Variants in YLPM1 observed in about 807,000 individuals in gnomAD.
YLPM1 encodes the protein YLP motif-containing protein 1.
YLPM1 carries 99 observed loss-of-function variants against 230.0 expected under a neutral mutation model. The ratio of observed to expected loss-of-function variants is 0.43; its 90% CI spans 0.37 to 0.51. The LOEUF is 0.51. Ranked by LOEUF, YLPM1 falls within the 20% of genes least tolerant of loss-of-function variation. The probability of loss-of-function intolerance (pLI) is 0.00; values close to 1 mark genes in which losing one functional copy is unlikely to be tolerated. For synonymous variants in YLPM1, 984 were observed against 942.5 expected (o/e 1.04, Z -0.81); for missense variants, 2,592 against 2,707.7 (o/e 0.96, Z 0.95).
chr14:74,779,798 C>G (rs2091075597), intron 2 of YLPM1, among the ~76,000 whole-genome samples: 1 of 150,182 alleles, frequency 6.7e-6, no homozygotes, highest in African/African-American at 2.5e-5. Context: ...CCCTCCCCTC[C>G]CCTCCCCTCC....
intron 6 of YLPM1, among the ~76,000 whole-genome samples, chr14:74,803,358 A>G (rs1027139594): frequency 2.6e-5 from 4 of 152,134 alleles, no homozygotes; most frequent in African/African-American, 4.8e-5. Context: ...GGGCTTTTCA[A>G]ATGTTTAAAA....
chr14:74,766,721 A>T (rs749306842), intron 1 of YLPM1, among the ~76,000 whole-genome samples: 1 of 146,374 alleles, frequency 6.8e-6, no homozygotes, highest in Non-Finnish European at 1.5e-5. Context: ...CAAACAGTAC[A>T]CTGCCTTGAC....
chr14:74,820,403 G>A (rs191688986), intron 16 of YLPM1, among the ~76,000 whole-genome samples: 35 of 152,110 alleles, frequency 2.3e-4, no homozygotes, highest in Admixed American at 1.8e-3. Context: ...CGCATGCCCT[G>A]TGCCCAGCTA....
At chr14:74,785,402 A>G (rs1290167904) in intron 4 of YLPM1, among the ~76,000 whole-genome samples, 1 of 152,182 alleles carries the variant, frequency 6.6e-6, no homozygotes, top group Non-Finnish European at 1.5e-5. Flanking sequence ...TCCCCTAACT[A>G]GCTTATGTCA....
chr14:74,824,213 G>A, intron 17 of YLPM1, 43 bp from the exon 18 acceptor site: 1 of 1,594,390 alleles, frequency 6.3e-7, no homozygotes, highest in Non-Finnish European at 8.6e-7. Context: ...GCATGTATGT[G>A]TCTCTTTCTA....
chr14:74,779,484 A>C (rs145293312), intron 2 of YLPM1, among the ~76,000 whole-genome samples: 1 of 152,140 alleles, frequency 6.6e-6, no homozygotes, highest in Non-Finnish European at 1.5e-5. Context: ...GGCACATGGG[A>C]GGTTCTCATA....
chr14:74,818,341 T>G, intron 16 of YLPM1, 27 bp downstream of exon 16: 1 of 1,542,962 alleles, frequency 6.5e-7, no homozygotes, highest in Non-Finnish European at 8.8e-7. Flanking sequence ...TCAAATGCAA[T>G]GCAAAGTGAT....
At chr14:74,806,636 C>CTAT (rs1344363954) in intron 6 of YLPM1, among the ~76,000 whole-genome samples, 1 of 152,000 alleles carries the variant, frequency 6.6e-6, no homozygotes, top group East Asian at 1.9e-4. Context: ...AACATCTATA[C>CTAT]TATAGCCTCG....
At position 74,769,259 on chromosome 14, in the gene YLPM1, C is replaced by CTTTTTTT. The variant is rs34023289; in HGVS notation, c.873+4920_873+4926dup. ...CCGGCTAATTTTTTTGTATTTTTAT[C>CTTTTTTT]TTTTTTTTTTTTTTTTTTTTTTTTT... is the stretch of plus-strand genomic sequence containing the variant. On this transcript the variant is annotated intron_variant, in intron 1 of 20. Transcript: ENST00000325680. Among the ~76,000 whole-genome samples the CTTTTTTT allele has an allele frequency of 5.7e-4, 22 of 38,408 alleles. 1 individual carries two copies. The highest frequency in any genetic ancestry group is 1.2e-3 in the East Asian group (1 of 868). The allele number at this position is 38,408 out of a possible 152,430, so 25.2% of individuals were successfully genotyped here.
chr14:74,777,052 C>G (rs1288838001), intron 1 of YLPM1, among the ~76,000 whole-genome samples: 2 of 149,318 alleles, frequency 1.3e-5, no homozygotes, highest in Non-Finnish European at 3.0e-5. Flanking sequence ...GGAGATGACC[C>G]TGTCTCAAAA....
intron 19 of YLPM1, among the ~76,000 whole-genome samples, chr14:74,831,055 T>C (rs765964803): frequency 2.0e-4 from 30 of 152,248 alleles, no homozygotes; most frequent in Non-Finnish European, 3.7e-4. Context: ...ATTGCCTGTT[T>C]TTCTACAGCA....
chr14:74,774,052 A>C (rs2091007162), intron 1 of YLPM1, among the ~76,000 whole-genome samples: 2 of 152,030 alleles, frequency 1.3e-5, no homozygotes, highest in Admixed American at 1.3e-4. Context: ...TGAATAGTAA[A>C]AGTACAGATA....
At chr14:74,785,780 A>T (rs2091143242) in intron 4 of YLPM1, among the ~76,000 whole-genome samples, 1 of 152,216 alleles carries the variant, frequency 6.6e-6, no homozygotes, top group South Asian at 2.1e-4. Context: ...CAAAATCCAG[A>T]TTTAAGCTGC....
At chr14:74,768,467 G>A (rs1016179919) in intron 1 of YLPM1, among the ~76,000 whole-genome samples, 5 of 152,074 alleles carry the variant, frequency 3.3e-5, no homozygotes, top group African/African-American at 4.8e-5. Context: ...GGCTGGTCTC[G>A]AACTCCTGAC....
At chr14:74,788,418 CCTTCTGTCACAT>C (rs1166567023) in intron 4 of YLPM1, among the ~76,000 whole-genome samples, 3 of 152,210 alleles carry the variant, frequency 2.0e-5, no homozygotes, top group Admixed American at 6.5e-5. Context: ...CCGCGCCTGG[CCTTCTGTCACAT>C]ATCCTTTTAG....
At chr14:74,790,339 A>G (rs2091194106) in intron 4 of YLPM1, among the ~76,000 whole-genome samples, 2 of 152,216 alleles carry the variant, frequency 1.3e-5, no homozygotes, top group Admixed American at 6.5e-5. Context: ...CCTTGGTTAT[A>G]CATATTTAGA....
Position 74,782,011 on chromosome 14 carries a change from T to G in YLPM1, c.1968T>G (p.Ser656Arg), listed in dbSNP as rs1162357852. 1 of 1,613,792 alleles carries G rather than the reference T, an allele frequency of 6.2e-7. No homozygotes were observed. Among genetic ancestry groups the G allele is most frequent in the Non-Finnish European group, 8.5e-7 (1 of 1,179,858 alleles). Residue 656 changes from serine (S) to arginine (R), a missense_variant, in exon 4 of 21, where the codon AGT (serine) becomes AGG (arginine). Physicochemically the swap from Ser to Arg is moderately radical, Grantham distance 110. This residue lies in a region of YLPM1 where 1,862 missense variants were observed against 1,819.8 expected (regional missense o/e 1.02). Coordinates refer to ENST00000325680, the MANE Select transcript of YLPM1 (RefSeq NM_019589.3). ...LTAAPVPPAS[S>R]SQSSQVPEKP... ...CAGCCCCAGTTCCACCAGCCTCCAG[T>G]TCACAGAGCTCGCAAGTTCCAGAGA...
Position 74,798,293 on chromosome 14 carries a change from G to T in YLPM1, c.2996G>T (p.Gly999Val). The T allele has an allele frequency of 2.5e-6, 4 of 1,613,860 alleles. No homozygotes were observed. Among genetic ancestry groups the T allele is most frequent in the Non-Finnish European group, 3.4e-6 (4 of 1,179,878 alleles). The change falls in exon 5 of 21, where the codon GGC (glycine) becomes GTC (valine). Residue 999 changes from glycine (G) to valine (V), a missense_variant. By Grantham distance (109) the Gly-to-Val change is moderately radical. Coordinates refer to ENST00000325680, the MANE Select transcript of YLPM1 (RefSeq NM_019589.3). The stretch of plus-strand genomic sequence containing the variant: ...CATTCAGAAAACAACCAAGATAAAG[G>T]CCTGCCTCGGCCAGATAATAGAGAT... ...LPHSENNQDKGLPRPDNRDNR... is the reference protein window; with the variant it reads ...LPHSENNQDKVLPRPDNRDNR...
rs75937329 is a variant in YLPM1, at chr14:74,828,008, A to G, written c.6164-1205A>G. 5.0e-4 allele frequency: 490 copies of G among 985,312 alleles called. 1 individual carries two copies. The highest frequency in any genetic ancestry group is 1.6e-3 in the Middle Eastern group (3 of 1,914). The allele number at this position is 985,312 out of a possible 1,614,324, so 61.0% of individuals were successfully genotyped here. ...TGCAGTTCGCCTTACTGATTTTTCA[A>G]TGATAATCACTTTTATGGGAAGGGG... On this transcript the variant is annotated intron_variant, in intron 18 of 20. Transcript: ENST00000325680.
Sources: allele counts gnomAD v4.1 joint callset (sites outside exome capture counted in the v4.1 genomes callset), GRCh38; gene constraint gnomAD v4.1.1; regional missense constraint gnomAD v4.1.1; transcripts MANE v1.5; gene names NCBI Gene and HGNC (gene_info 2026-07-23, HGNC 2026-07-21).